The following DLG2 variants were observed in gnomAD, a reference collection of about 807,000 sequenced individuals.
The protein encoded by DLG2 is disks large homolog 2.
DLG2 carries 45 observed loss-of-function variants against 132.5 expected under a neutral mutation model. The ratio of observed to expected loss-of-function variants is 0.34; its 90% CI spans 0.27 to 0.44. The LOEUF is 0.44. Ranked by LOEUF, DLG2 falls within the 20% of genes least tolerant of loss-of-function variation. DLG2 has a pLI of 1.00. For missense variants in DLG2, 1,045 were observed against 1,196.9 expected (o/e 0.87, Z 1.87); for synonymous variants, 424 against 419.6 (o/e 1.01, Z -0.13).
At chr11:84,431,298 A>G (rs2098983962) in intron 7 of DLG2, among the ~76,000 whole-genome samples, 1 of 152,318 alleles carries the variant, frequency 6.6e-6, no homozygotes, top group South Asian at 2.1e-4. Flanking sequence ...AGAATCATAC[A>G]GGATGTCTAA....
chr11:83,953,913 C>CT (rs551542976), intron 14 of DLG2, among the ~76,000 whole-genome samples: 56 of 152,260 alleles, frequency 3.7e-4, no homozygotes, highest in African/African-American at 1.3e-3. Context: ...ATCATCAATC[C>CT]TTTTTTGCAT....
At chr11:84,062,956 C>T (rs886771324) in intron 10 of DLG2, among the ~76,000 whole-genome samples, 2 of 152,100 alleles carry the variant, frequency 1.3e-5, no homozygotes, top group Admixed American at 6.6e-5. Flanking sequence ...CAACTGTATT[C>T]ATTTTGAAGC....
At chr11:83,746,387 C>T (rs1334977337) in intron 18 of DLG2, among the ~76,000 whole-genome samples, 4 of 152,152 alleles carry the variant, frequency 2.6e-5, no homozygotes, top group Non-Finnish European at 5.9e-5. Context: ...CCATGGAATA[C>T]TATGCAGCCA....
chr11:84,509,983 A>T (rs1270994899), intron 7 of DLG2, among the ~76,000 whole-genome samples: 1 of 151,734 alleles, frequency 6.6e-6, no homozygotes, highest in Admixed American at 6.6e-5. Flanking sequence ...CACCAAATTC[A>T]AAGCAACAAA....
chr11:84,766,482 T>G (rs538825909), intron 6 of DLG2, among the ~76,000 whole-genome samples: 1 of 152,106 alleles, frequency 6.6e-6, no homozygotes, highest in Non-Finnish European at 1.5e-5. Flanking sequence ...GAATGGATGC[T>G]GCTTAGAACA....
intron 6 of DLG2, among the ~76,000 whole-genome samples, chr11:84,914,745 T>C (rs1341346277): frequency 6.6e-6 from 1 of 152,200 alleles, no homozygotes; most frequent in Non-Finnish European, 1.5e-5. Context: ...TATTGTGGTT[T>C]CACCAGTTAC....
intron 10 of DLG2, among the ~76,000 whole-genome samples, chr11:84,088,816 T>C (rs2097038912): frequency 6.6e-6 from 1 of 152,194 alleles, no homozygotes; most frequent in Non-Finnish European, 1.5e-5. Context: ...CATACATCTT[T>C]CTAAAGAGAG....
At chr11:85,606,051 G>C (rs759388957) in intron 2 of DLG2, among the ~76,000 whole-genome samples, 9 of 152,060 alleles carry the variant, frequency 5.9e-5, no homozygotes, top group Non-Finnish European at 1.0e-4. Flanking sequence ...GATGGCATAC[G>C]TACAATGTTA....
At chr11:84,350,150 C>A (rs1230157648) in intron 7 of DLG2, among the ~76,000 whole-genome samples, 1 of 148,378 alleles carries the variant, frequency 6.7e-6, no homozygotes, top group Non-Finnish European at 1.5e-5. Flanking sequence ...GGCACTCCAG[C>A]CTGGGCGACA....
chr11:84,061,054 C>T (rs2096583823), intron 10 of DLG2, among the ~76,000 whole-genome samples: 1 of 152,196 alleles, frequency 6.6e-6, no homozygotes, highest in African/African-American at 2.4e-5. Context: ...TTCCCCACTT[C>T]CTCCTTCCAA....
At chr11:84,241,912 C>T (rs2097232804) in intron 8 of DLG2, among the ~76,000 whole-genome samples, 1 of 152,170 alleles carries the variant, frequency 6.6e-6, no homozygotes. Flanking sequence ...GGAGATCCCA[C>T]GATTCTAACA....
chr11:83,687,445 T>C (rs1328569585), intron 18 of DLG2, among the ~76,000 whole-genome samples: 1 of 152,124 alleles, frequency 6.6e-6, no homozygotes. Flanking sequence ...CCCTGGCCCT[T>C]GTTGGTCCAG....
intron 6 of DLG2, among the ~76,000 whole-genome samples, chr11:84,903,137 A>C (rs910431719): frequency 7.9e-5 from 12 of 152,150 alleles, no homozygotes; most frequent in African/African-American, 2.9e-4. Flanking sequence ...CCTCTATTTC[A>C]AGACATAAGA....
chr11:83,550,828 C>T (rs1227820090), intron 19 of DLG2, among the ~76,000 whole-genome samples: 2 of 152,130 alleles, frequency 1.3e-5, no homozygotes, highest in Non-Finnish European at 2.9e-5. Context: ...GCCCTGATTA[C>T]AGTCTTTTAT....
chr11:85,249,797 T>A (rs1022966987), intron 4 of DLG2, among the ~76,000 whole-genome samples: 17 of 152,150 alleles, frequency 1.1e-4, no homozygotes, highest in African/African-American at 4.1e-4. Context: ...AGGAACTAGA[T>A]TACCTTTGCA....
intron 11 of DLG2, among the ~76,000 whole-genome samples, chr11:84,047,169 A>G (rs2096258606): frequency 6.6e-6 from 1 of 151,596 alleles, no homozygotes; most frequent in Admixed American, 6.6e-5. Flanking sequence ...GATACTTGGG[A>G]AAAAAGCCAA....
chr11:85,509,848 A>G (rs769442033), intron 3 of DLG2: 4 of 152,046 alleles, frequency 2.6e-5, no homozygotes, highest in Admixed American at 1.3e-4. Context: ...GAATGCATAT[A>G]ACTGGAGAAT....
At chr11:85,599,514 A>C (rs1173095740) in intron 2 of DLG2, among the ~76,000 whole-genome samples, 1 of 148,192 alleles carries the variant, frequency 6.7e-6, no homozygotes, top group Non-Finnish European at 1.5e-5. Context: ...TATGACCCAG[A>C]TCTTACTTAC....
chr11:83,778,372 A>T (rs1155311), intron 18 of DLG2, among the ~76,000 whole-genome samples: 98,887 of 151,954 alleles, frequency 0.65, 33,808 homozygotes, highest in African/African-American at 0.86. Context: ...AAATGTCTCT[A>T]GCACAAGGAT....
Sources: gnomAD v4.1 joint callset for allele counts (sites outside exome capture counted in the v4.1 genomes callset) on GRCh38, gnomAD v4.1.1 for gene constraint, MANE v1.5 for transcripts, NCBI Gene and HGNC (gene_info 2026-07-23, HGNC 2026-07-21) for gene names.